The following RPH3AL variants were observed in gnomAD, a reference collection of about 807,000 sequenced individuals.
RPH3AL encodes rabphilin 3A like (without C2 domains).
A neutral mutation model predicts 43.1 loss-of-function variants in RPH3AL; 38 were observed. The observed-to-expected ratio is 0.88, with a 90% CI of 0.68 to 1.15. The LOEUF (loss-of-function observed/expected upper bound fraction) is 1.15, where lower values mean the gene tolerates loss of function less well. RPH3AL is among the 50% of genes most tolerant of loss of function. The pLI, the probability that RPH3AL is intolerant of heterozygous loss-of-function variation, is 0.00. For synonymous variants in RPH3AL, 189 were observed against 176.3 expected (o/e 1.07, Z -0.57); for missense variants, 462 against 423.2 (o/e 1.09, Z -0.81).
At chr17:238,161 AAGAGAGAAAGAGAG>A (rs2151525514) in intron 7 of RPH3AL, among the ~76,000 whole-genome samples, 1 of 119,740 alleles carries the variant, frequency 8.4e-6, no homozygotes, top group East Asian at 2.6e-4. Context: ...AGAAAGAAAG[AAGAGAGAAAGAGAG>A]AGAGAGAGAA....
At chr17:310,942 C>T (rs745766972) in intron 5 of RPH3AL, among the ~76,000 whole-genome samples, 1 of 152,140 alleles carries the variant, frequency 6.6e-6, no homozygotes, top group Non-Finnish European at 1.5e-5. Context: ...AGTGCCTCTG[C>T]GATCATCTCC....
At chr17:349,858 T>A (rs2045319349) in intron 1 of RPH3AL, among the ~76,000 whole-genome samples, 1 of 152,128 alleles carries the variant, frequency 6.6e-6, no homozygotes, top group Admixed American at 6.5e-5. Flanking sequence ...ATCTATATCA[T>A]CACTCACAAT....
At chr17:331,509 C>T (rs1247692285) in intron 2 of RPH3AL, 1 of 1,205,712 alleles carries the variant, frequency 8.3e-7, no homozygotes, top group African/African-American at 1.6e-5. Context: ...TGGCTGGCAC[C>T]TCAGAAGGCA....
chr17:297,707 C>A (rs537477010), intron 5 of RPH3AL, among the ~76,000 whole-genome samples: 10 of 152,180 alleles, frequency 6.6e-5, no homozygotes, highest in African/African-American at 2.4e-4. Flanking sequence ...CCTGTGCTTC[C>A]GGAAGGCTTA....
In RPH3AL at chr17:324,714, T is replaced by G. The variant is rs568850269; in HGVS notation, c.77+2753A>C. ...ATCTAGCTAGCTAGCTATGTACCTA[T>G]CTATCTATCTATCTATCTATGTCTA... is the stretch of plus-strand genomic sequence containing the variant. On this transcript the variant is annotated intron_variant, in intron 3 of 9. Coordinates refer to ENST00000331302, the MANE Select transcript of RPH3AL (RefSeq NM_006987.4). Among the ~76,000 whole-genome samples the G allele has an allele frequency of 2.9e-3, 441 of 151,224 alleles. 2 individuals are homozygous for G. Among genetic ancestry groups the G allele is most frequent in the African/African-American group, 0.011 (430 of 40,690 alleles).
At chr17:242,334 CTA>C (rs2041566866) in intron 7 of RPH3AL, among the ~76,000 whole-genome samples, 1 of 75,808 alleles carries the variant, frequency 1.3e-5, no homozygotes, top group African/African-American at 5.1e-5. Context: ...CCTCTATTGA[CTA>C]CCTTCCTCTA....
intron 5 of RPH3AL, among the ~76,000 whole-genome samples, chr17:299,725 C>T (rs988569695): frequency 6.6e-6 from 1 of 152,234 alleles, no homozygotes; most frequent in Admixed American, 6.5e-5. Flanking sequence ...GGGGCCGCGC[C>T]GGACTGCAAA....
chr17:220,714 A>T, intron 7 of RPH3AL, among the ~76,000 whole-genome samples: 1 of 25,648 alleles, frequency 3.9e-5, no homozygotes, highest in South Asian at 1.6e-3. Flanking sequence ...GAGACAATAG[A>T]CCCAAGCACA....
In RPH3AL at chr17:273,158, CAGGGTGAGACCCCAGCGCGGGT is replaced by C. The variant is rs1426651804; in HGVS notation, c.438+8588_438+8609del. Among the ~76,000 whole-genome samples, 17 of 29,208 alleles carry C rather than the reference CAGGGTGAGACCCCAGCGCGGGT, an allele frequency of 5.8e-4. 5 individuals are homozygous for C. The highest frequency in any genetic ancestry group is 2.3e-3 in the South Asian group (1 of 440). 19.2% of individuals were successfully genotyped at this position (29,208 alleles called of 152,430 possible). Reference sequence around the variant, plus strand: ...GGAGAGACCCCAGCGAGGGTGATGTCAGGGTGAGACCCCAGCGCGGGTGACGTCAGGGAGAGACCCCAGCGAG... The same window carrying C: ...GGAGAGACCCCAGCGAGGGTGATGTCGACGTCAGGGAGAGACCCCAGCGAG... On this transcript the variant is annotated intron_variant, in intron 6 of 9. Transcript: ENST00000331302.
chr17:320,615 C>T (rs941889311), intron 4 of RPH3AL, among the ~76,000 whole-genome samples: 4 of 151,964 alleles, frequency 2.6e-5, no homozygotes, highest in Non-Finnish European at 4.4e-5. Context: ...TTCTAATCTA[C>T]ACTGCAGAGT....
rs777719271 is a variant in RPH3AL at position 219,615 on chromosome 17, C to G, written c.727+8G>C. On this transcript the variant is annotated splice_region_variant and intron_variant, in intron 8 of 9. Transcript: ENST00000331302. ...GGCCAATAAGCAGCATTTCACTCCC[C>G]ACCTTACCTGACTCCTTCCAGGGTT... is the stretch of plus-strand genomic sequence containing the variant. 6.5e-7 allele frequency: 1 copy of G among 1,547,720 alleles called. No individual in the cohort carries two copies.
In RPH3AL at chr17:264,066, G is replaced by T. The variant is rs538477522; in HGVS notation, c.439-16781C>A. On this transcript the variant is annotated intron_variant, in intron 6 of 9. Transcript: ENST00000331302. The surrounding 1 kb of genome is among the most constrained non-coding windows in gnomAD (Gnocchi z 4.8). ...ATCTCTGATCAGATTTCAAAGCCAC[G>T]ATTTTGGCCGCGTGCGACAAGCCGG... 1.3e-5 allele frequency among the ~76,000 whole-genome samples: 2 copies of T among 152,186 alleles called. No individual in the cohort carries two copies. The highest frequency in any genetic ancestry group is 3.2e-3 in the Middle Eastern group (1 of 316).
intron 6 of RPH3AL, among the ~76,000 whole-genome samples, chr17:278,455 C>G (rs1015506361): frequency 6.6e-6 from 1 of 152,180 alleles, no homozygotes; most frequent in Non-Finnish European, 1.5e-5. Flanking sequence ...TCACACTGGT[C>G]TCCTCGCTGT....
intron 5 of RPH3AL, among the ~76,000 whole-genome samples, chr17:310,795 G>A (rs1046056412): frequency 6.6e-6 from 1 of 152,164 alleles, no homozygotes; most frequent in African/African-American, 2.4e-5. Flanking sequence ...AGGAAGGGAT[G>A]GCATCGTCTC....
Position 333,447 on chromosome 17 carries a change from C to T in RPH3AL, c.-37+312G>A, listed in dbSNP as rs1129996. ...AATAAAATTGGGTTCTTACTGCATA[C>T]GCTGCTTGCTGGTTTCTAAATAAAA... On this transcript the variant is annotated intron_variant, in intron 2 of 9. Transcript: ENST00000331302. The surrounding 1 kb of genome is among the most constrained non-coding windows in gnomAD (Gnocchi z 4.5). 7.4e-3 allele frequency: 3,563 copies of T among 478,802 alleles called. 117 individuals are homozygous for T. Among genetic ancestry groups the T allele is most frequent in the African/African-American group, 0.067 (3,318 of 49,200 alleles). 29.7% of individuals were successfully genotyped at this position (478,802 alleles called of 1,614,324 possible).
chr17:235,568 T>C (rs1375317957), intron 7 of RPH3AL, among the ~76,000 whole-genome samples: 2 of 137,596 alleles, frequency 1.5e-5, no homozygotes, highest in Non-Finnish European at 3.2e-5. Flanking sequence ...AAAGCTGGGG[T>C]CGGTGGAGGC....
intron 7 of RPH3AL, among the ~76,000 whole-genome samples, chr17:232,871 T>C (rs1033140874): frequency 1.1e-5 from 1 of 91,024 alleles, no homozygotes; most frequent in Non-Finnish European, 2.4e-5. Context: ...TGTGTGTGTG[T>C]GTGTGTGTGT....
intron 5 of RPH3AL, among the ~76,000 whole-genome samples, chr17:308,271 C>A (rs545519541): frequency 6.6e-6 from 1 of 152,164 alleles, no homozygotes; most frequent in Non-Finnish European, 1.5e-5. Context: ...GGGGACAGGG[C>A]CGTGGAGGAC....
intron 5 of RPH3AL, among the ~76,000 whole-genome samples, chr17:318,601 A>AG (rs1454430410): frequency 6.6e-6 from 1 of 152,154 alleles, no homozygotes; most frequent in Non-Finnish European, 1.5e-5. Context: ...AGGAAAAAAA[A>AG]AATAGCCTCC....
Sources: allele counts gnomAD v4.1 joint callset (sites outside exome capture counted in the v4.1 genomes callset), GRCh38; gene constraint gnomAD v4.1.1; non-coding constraint Gnocchi (gnomAD v3.1); transcripts MANE v1.5; gene names NCBI Gene and HGNC (gene_info 2026-07-23, HGNC 2026-07-21).